ATP2B4: variants seen among roughly 807,000 people sequenced by gnomAD.
ATP2B4 encodes plasma membrane calcium-transporting ATPase 4.
In ATP2B4, 39 loss-of-function variants were observed where a neutral mutation model predicts 110.3. The observed-to-expected ratio is 0.35, with a 90% confidence interval of 0.27 to 0.46. The LOEUF (loss-of-function observed/expected upper bound fraction) is 0.46, where lower values mean the gene tolerates loss of function less well. ATP2B4 is among the 20% of genes least tolerant of loss of function. The pLI is 1.00. For synonymous variants in ATP2B4, 538 were observed against 571.7 expected, an observed-to-expected ratio of 0.94 and a Z score of 0.84; for missense variants, 1,135 against 1,530.9, an observed-to-expected ratio of 0.74 and a Z score of 4.32.
chr1:203,724,055 T>C, intron 19 of ATP2B4, 67 bp downstream of exon 19: 1 of 1,378,944 alleles, frequency 7.3e-7, no homozygotes, highest in Non-Finnish European at 1.0e-6. Flanking sequence ...CTACATGAGA[T>C]GGAACAAGCA....
chr1:203,706,251 C>T (rs184306837), intron 8 of ATP2B4, among the ~76,000 whole-genome samples: 2 of 152,238 alleles, frequency 1.3e-5, no homozygotes, highest in East Asian at 3.9e-4. Context: ...GCCCCACATC[C>T]CTGGAAACTG....
intron 1 of ATP2B4, among the ~76,000 whole-genome samples, chr1:203,663,379 G>A (rs1664406810): frequency 6.6e-6 from 1 of 152,016 alleles, no homozygotes; most frequent in African/African-American, 2.4e-5. Flanking sequence ...ACCAGGAGGT[G>A]TACCGCCTCC....
intron 1 of ATP2B4, among the ~76,000 whole-genome samples, chr1:203,636,791 T>C (rs1663452289): frequency 6.6e-6 from 1 of 152,142 alleles, no homozygotes; most frequent in Admixed American, 6.5e-5. Flanking sequence ...GGAGTAAAAC[T>C]CTCAATGCCC....
intron 1 of ATP2B4, among the ~76,000 whole-genome samples, chr1:203,664,862 C>T (rs947490362): frequency 8.5e-5 from 13 of 152,108 alleles, no homozygotes; most frequent in Non-Finnish European, 1.6e-4. Context: ...GACAGAGTCT[C>T]GCTCTGTCAC....
At chr1:203,694,912 TAGG>T (rs1665487781) in intron 2 of ATP2B4, among the ~76,000 whole-genome samples, 1 of 152,080 alleles carries the variant, frequency 6.6e-6, no homozygotes, top group African/African-American at 2.4e-5. Context: ...TTGAAGCTGA[TAGG>T]ATTTCTCAAC....
intron 2 of ATP2B4, among the ~76,000 whole-genome samples, chr1:203,690,186 C>T (rs1665323415): frequency 6.6e-6 from 1 of 152,144 alleles, no homozygotes; most frequent in South Asian, 2.1e-4. Context: ...TAACTGTGTT[C>T]CCGTCACTGT....
intron 1 of ATP2B4, among the ~76,000 whole-genome samples, chr1:203,658,127 C>A (rs78627796): frequency 0.09 from 13,624 of 151,986 alleles, 1,033 homozygotes; most frequent in East Asian, 0.27. Context: ...GAAACCAAAA[C>A]AATAATAAAT....
chr1:203,701,910 T>C, intron 6 of ATP2B4, 134 bp from the exon 7 acceptor site: 1 of 821,230 alleles, frequency 1.2e-6, no homozygotes, highest in Non-Finnish European at 1.9e-6. Flanking sequence ...GAGCTTCCTT[T>C]ACATTTATGT....
chr1:203,693,484 A>G (rs1335317865), intron 2 of ATP2B4, among the ~76,000 whole-genome samples: 1 of 152,056 alleles, frequency 6.6e-6, no homozygotes, highest in African/African-American at 2.4e-5. Context: ...AGAAAATGGC[A>G]AAAAAAAGAA....
At chr1:203,725,442 C>T (rs114954240) in intron 19 of ATP2B4, among the ~76,000 whole-genome samples, 2,362 of 152,270 alleles carry the variant, frequency 0.016, 64 homozygotes, top group African/African-American at 0.055. Context: ...AGCCACCGTG[C>T]CCAGCCTCAG....
At position 203,683,186 on chromosome 1, in the gene ATP2B4, G is replaced by A; in HGVS notation, c.-20G>A. 2 of 1,609,526 alleles carry A rather than the reference G, an allele frequency of 1.2e-6. No individual in the cohort carries two copies. The highest frequency in any genetic ancestry group is 1.1e-5 in the South Asian group (1 of 90,584). ...ACGCTACATCTTCTCTGGTTGAGGGGCTTGGTAACAGCAGGCAAAATGACG... is the reference window on the plus strand; with the variant it reads ...ACGCTACATCTTCTCTGGTTGAGGGACTTGGTAACAGCAGGCAAAATGACG... On this transcript the variant is annotated 5_prime_UTR_variant, in exon 2 of 21. Transcript: ENST00000357681.
At chr1:203,706,653 C>T (rs941354381) in intron 8 of ATP2B4, among the ~76,000 whole-genome samples, 13 of 151,964 alleles carry the variant, frequency 8.6e-5, no homozygotes, top group South Asian at 2.1e-4. Context: ...AGAGGGTGGG[C>T]GTGGAATAGG....
rs1203460948 is a variant in ATP2B4, at chr1:203,703,666, G to A, written c.952G>A (p.Gly318Arg). ...GTACACTCCAGCAAAGACCCAAGAC[G>A]GAGTGGCCCTGGAAATCCAGCCACT... ...ENRNKAKTQD[G>R]VALEIQPLNS... is the part of the protein sequence containing the mutation. The change falls in exon 8 of 21, where the codon GGA becomes AGA. Residue 318 changes from glycine to arginine, a missense_variant. This residue lies in a region of ATP2B4 where 162 missense variants were observed against 210.5 expected (regional missense o/e 0.77). Transcript: ENST00000357681. 6.8e-6 allele frequency: 11 copies of A among 1,613,866 alleles called. No individual in the cohort carries two copies. Among genetic ancestry groups the A allele is most frequent in the African/African-American group, 1.3e-5 (1 of 74,890 alleles).
In ATP2B4 at chr1:203,743,675, A is replaced by G. The variant is rs1465896966; in HGVS notation, c.*3821A>G. ...TGAGTTTCTTCTTCTTTTAGTAACT[A>G]GTATAACAAGCACTGGTATTTTTGT... On this transcript the variant is annotated 3_prime_UTR_variant, in exon 21 of 21. Coordinates refer to ENST00000357681, the MANE Select transcript of ATP2B4 (RefSeq NM_001684.5). The G allele has an allele frequency of 1.3e-5, 2 of 152,660 alleles. No individual in the cohort carries two copies. The highest frequency in any genetic ancestry group is 4.8e-5 in the African/African-American group (2 of 41,458). The allele number at this position is 152,660 out of a possible 1,614,324, so 9.5% of individuals were successfully genotyped here. A position where few individuals can be genotyped will look rare whatever the true frequency, so the allele number is the denominator to read the frequency against.
chr1:203,636,829 G>A (rs1663453252), intron 1 of ATP2B4, among the ~76,000 whole-genome samples: 1 of 152,186 alleles, frequency 6.6e-6, no homozygotes, highest in African/African-American at 2.4e-5. Flanking sequence ...CACAGATAGA[G>A]TCTAGCACAA....
intron 1 of ATP2B4, among the ~76,000 whole-genome samples, chr1:203,644,162 A>G (rs149264473): frequency 6.9e-4 from 105 of 151,766 alleles, no homozygotes; most frequent in African/African-American, 1.4e-3. Flanking sequence ...AGGCAGGAGA[A>G]TTGCTTGAAC....
chr1:203,652,416 G>T (rs1424980419), intron 1 of ATP2B4, among the ~76,000 whole-genome samples: 1 of 152,096 alleles, frequency 6.6e-6, no homozygotes, highest in Non-Finnish European at 1.5e-5. Context: ...AAAGTGCTGG[G>T]ATTACAGGCG....
At chr1:203,679,045 A>T (rs10900582) in intron 1 of ATP2B4, among the ~76,000 whole-genome samples, 3 of 152,130 alleles carry the variant, frequency 2.0e-5, no homozygotes, top group East Asian at 1.9e-4. Flanking sequence ...TGAGAGAGTT[A>T]GCTCTTCTAT....
chr1:203,643,101 C>G (rs1663681660), intron 1 of ATP2B4, among the ~76,000 whole-genome samples: 1 of 152,212 alleles, frequency 6.6e-6, no homozygotes, highest in South Asian at 2.1e-4. Flanking sequence ...TCCTGCAACT[C>G]TCCATCAAAG....
Sources: gnomAD v4.1 joint callset for allele counts (sites outside exome capture counted in the v4.1 genomes callset) on GRCh38, gnomAD v4.1.1 for gene constraint, gnomAD v4.1.1 regional missense constraint, MANE v1.5 for transcripts, NCBI Gene and HGNC (gene_info 2026-07-23, HGNC 2026-07-21) for gene names.